The following CTNNA3 variants were observed in gnomAD, a reference collection of about 807,000 sequenced individuals.
The protein encoded by CTNNA3 is catenin alpha 3.
Under a neutral mutation model 95.7 loss-of-function variants are expected in CTNNA3, and 76 were observed. The ratio of observed to expected loss-of-function variants is 0.79; its 90% confidence interval spans 0.66 to 0.96. The LOEUF (loss-of-function observed/expected upper bound fraction) is 0.96. Ranked by LOEUF, CTNNA3 falls within the 40% of genes least tolerant of loss-of-function variation. The pLI is 0.00. For synonymous variants in CTNNA3, 431 were observed against 374.4 expected (o/e 1.15, Z -1.74); for missense variants, 1,191 against 1,089.8 (o/e 1.09, Z -1.31).
At chr10:66,458,974 A>G (rs1299244833) in intron 11 of CTNNA3, among the ~76,000 whole-genome samples, 1 of 152,092 alleles carries the variant, frequency 6.6e-6, no homozygotes, top group Non-Finnish European at 1.5e-5. Context: ...GAACTGCATG[A>G]GTCCACTTAT....
chr10:67,750,680 G>C (rs1469447689), intron 1 of CTNNA3: 1 of 1,550,878 alleles, frequency 6.4e-7, no homozygotes, highest in Non-Finnish European at 8.9e-7. Context: ...AATATGATCG[G>C]TGGAAAAGCA....
At chr10:66,957,397 TATATATATATATATATGC>T (rs201668622) in intron 7 of CTNNA3, among the ~76,000 whole-genome samples, 2 of 36,834 alleles carry the variant, frequency 5.4e-5, no homozygotes, top group Non-Finnish European at 1.0e-4. Flanking sequence ...TATATACATA[TATATATATATATATATGC>T]ATATATATAT....
chr10:66,632,626 T>C (rs557117178), intron 9 of CTNNA3, among the ~76,000 whole-genome samples: 13 of 151,310 alleles, frequency 8.6e-5, no homozygotes, highest in Admixed American at 1.3e-4. Context: ...AAAAATTTAG[T>C]GTTTTTCAGG....
chr10:66,128,987 G>A (rs965544978), intron 13 of CTNNA3, among the ~76,000 whole-genome samples: 2 of 152,016 alleles, frequency 1.3e-5, no homozygotes, highest in African/African-American at 2.4e-5. Flanking sequence ...AAACTTGGCT[G>A]GGCGCAGTGG....
intron 7 of CTNNA3, among the ~76,000 whole-genome samples, chr10:66,876,357 A>G (rs1169400794): frequency 6.6e-6 from 1 of 152,166 alleles, no homozygotes; most frequent in East Asian, 1.9e-4. Flanking sequence ...GATAAAGAAC[A>G]TTTGAAAGAA....
At chr10:66,164,624 G>A (rs571840908) in intron 13 of CTNNA3, among the ~76,000 whole-genome samples, 15 of 151,716 alleles carry the variant, frequency 9.9e-5, no homozygotes, top group Non-Finnish European at 4.4e-5. Flanking sequence ...TAATCCCAAC[G>A]TGAACTAGAA....
chr10:67,298,303 A>T (rs368029234), intron 5 of CTNNA3, among the ~76,000 whole-genome samples: 175 of 152,304 alleles, frequency 1.1e-3, no homozygotes, highest in African/African-American at 4.0e-3. Context: ...GGTAATATGT[A>T]TTGCATTCAA....
chr10:65,959,670 A>G (rs1268502394), intron 17 of CTNNA3, among the ~76,000 whole-genome samples: 1 of 152,068 alleles, frequency 6.6e-6, no homozygotes, highest in African/African-American at 2.4e-5. Context: ...GACTACAGGC[A>G]TACACCACCA....
At chr10:66,391,794 A>G (rs906277016) in intron 11 of CTNNA3, among the ~76,000 whole-genome samples, 1 of 152,094 alleles carries the variant, frequency 6.6e-6, no homozygotes, top group Non-Finnish European at 1.5e-5. Flanking sequence ...TAAATTTTTG[A>G]CACATGCTCA....
chr10:66,571,620 A>G (rs11597859), intron 10 of CTNNA3, among the ~76,000 whole-genome samples: 8,585 of 152,296 alleles, frequency 0.056, 277 homozygotes, highest in Middle Eastern at 0.1. Context: ...GGTAGTATAC[A>G]TATGGCAGAC....
At chr10:65,931,924 C>T (rs983166490) in intron 17 of CTNNA3, among the ~76,000 whole-genome samples, 1 of 152,156 alleles carries the variant, frequency 6.6e-6, no homozygotes, top group Non-Finnish European at 1.5e-5. Flanking sequence ...AAACTAATCC[C>T]CAGGCATTGG....
intron 13 of CTNNA3, among the ~76,000 whole-genome samples, chr10:66,259,369 G>A (rs1589876701): frequency 6.6e-6 from 1 of 152,112 alleles, no homozygotes; most frequent in South Asian, 2.1e-4. Flanking sequence ...TGTTTCTTGA[G>A]ACTGTAATAG....
intron 5 of CTNNA3, among the ~76,000 whole-genome samples, chr10:67,243,230 C>A (rs991220606): frequency 6.6e-6 from 1 of 152,106 alleles, no homozygotes; most frequent in Non-Finnish European, 1.5e-5. Context: ...TTCAGCTGAT[C>A]AAAAAGAAAC....
intron 5 of CTNNA3, among the ~76,000 whole-genome samples, chr10:67,232,534 T>C (rs1178495894): frequency 4.6e-5 from 7 of 151,824 alleles, no homozygotes; most frequent in African/African-American, 1.4e-4. Context: ...AAGGAACAAC[T>C]GGTACCAGCC....
chr10:66,026,047 A>T (rs562745489), intron 15 of CTNNA3, among the ~76,000 whole-genome samples: 10 of 152,274 alleles, frequency 6.6e-5, no homozygotes, highest in Non-Finnish European at 1.3e-4. Context: ...CCTGTTTTGA[A>T]TTTTTGAGAG....
At chr10:67,004,188 T>C (rs189218130) in intron 7 of CTNNA3, among the ~76,000 whole-genome samples, 96 of 152,246 alleles carry the variant, frequency 6.3e-4, no homozygotes, top group African/African-American at 2.0e-3. Flanking sequence ...AACAGGGTCA[T>C]TGAATTGAGA....
intron 2 of CTNNA3, among the ~76,000 whole-genome samples, chr10:67,630,069 T>C (rs1434055199): frequency 1.3e-5 from 2 of 152,152 alleles, no homozygotes; most frequent in African/African-American, 4.8e-5. Context: ...TGCCAACCTA[T>C]AACTGAGTGT....
At chr10:67,456,883 T>C (rs1334342669) in intron 5 of CTNNA3, among the ~76,000 whole-genome samples, 1 of 151,924 alleles carries the variant, frequency 6.6e-6, no homozygotes, top group African/African-American at 2.4e-5. Flanking sequence ...GCCCTGAAAA[T>C]AGACTATGAG....
intron 11 of CTNNA3, among the ~76,000 whole-genome samples, chr10:66,474,561 C>A (rs1402040786): frequency 6.6e-6 from 1 of 151,862 alleles, no homozygotes; most frequent in Non-Finnish European, 1.5e-5. Flanking sequence ...GATGTATACC[C>A]AATAGTGGAA....
Sources: allele counts gnomAD v4.1 joint callset (sites outside exome capture counted in the v4.1 genomes callset), GRCh38; gene constraint gnomAD v4.1.1; transcripts MANE v1.5; gene names NCBI Gene and HGNC (gene_info 2026-07-23, HGNC 2026-07-21).